The following ARHGAP10 variants were observed in gnomAD, a reference collection of about 807,000 sequenced individuals.
ARHGAP10 encodes the protein Rho GTPase activating protein 10.
ARHGAP10 carries 87 observed loss-of-function variants against 108.6 expected under a neutral mutation model. The observed-to-expected ratio is 0.80, with a 90% confidence interval of 0.67 to 0.96. The LOEUF is 0.96. Ranked by LOEUF, ARHGAP10 falls within the 40% of genes least tolerant of loss-of-function variation. The probability of loss-of-function intolerance (pLI) is 0.00; values close to 1 mark genes in which losing one functional copy is unlikely to be tolerated. For synonymous variants in ARHGAP10, 347 were observed against 341.1 expected (o/e 1.02, Z -0.19); for missense variants, 939 against 954.5 (o/e 0.98, Z 0.21).
At chr4:147,976,541 G>GTTTT (rs56763356) in intron 18 of ARHGAP10, among the ~76,000 whole-genome samples, 1 of 140,418 alleles carries the variant, frequency 7.1e-6, no homozygotes, top group Admixed American at 7.1e-5. Flanking sequence ...TTTGTGTGTG[G>GTTTT]TTTTTTTTTT....
Position 148,023,292 on chromosome 4 carries a change from C to G in ARHGAP10, c.1746C>G (p.Phe582Leu). 6.2e-7 allele frequency: 1 copy of G among 1,614,162 alleles called. No individual in the cohort carries two copies. The highest frequency in any genetic ancestry group is 8.5e-7 in the Non-Finnish European group (1 of 1,180,014). ...KIFRTPPDTT[F>L]PEPTCLSASP... Reference sequence around the variant, plus strand: ...TTCGGACGCCGCCCGATACTACATTCCCTGAGCCCACCTGCCTGTCAGCAT... The same window carrying G: ...TTCGGACGCCGCCCGATACTACATTGCCTGAGCCCACCTGCCTGTCAGCAT... The change falls in exon 19 of 23, where the codon TTC becomes TTG. Residue 582 changes from phenylalanine (F) to leucine (L), a missense_variant. Physicochemically the swap from Phe to Leu is conservative, Grantham distance 22. Coordinates refer to ENST00000336498, the MANE Select transcript of ARHGAP10 (RefSeq NM_024605.4).
At chr4:147,892,402 T>C (rs1735823671) in intron 10 of ARHGAP10, among the ~76,000 whole-genome samples, 1 of 152,224 alleles carries the variant, frequency 6.6e-6, no homozygotes, top group South Asian at 2.1e-4. Context: ...AAGCATTTTA[T>C]AGAGCCTCAC....
chr4:147,996,260 C>T (rs983438906), intron 18 of ARHGAP10, among the ~76,000 whole-genome samples: 3 of 152,170 alleles, frequency 2.0e-5, no homozygotes, highest in African/African-American at 7.2e-5. Flanking sequence ...TAGCCATCTC[C>T]AGCAATAAAC....
chr4:147,773,203 T>A (rs1030364746), intron 1 of ARHGAP10, among the ~76,000 whole-genome samples: 4 of 152,208 alleles, frequency 2.6e-5, no homozygotes, highest in African/African-American at 9.6e-5. Context: ...CATGCTGACT[T>A]CTTGTAGGTT....
chr4:147,802,045 G>A (rs534190416), intron 1 of ARHGAP10, among the ~76,000 whole-genome samples: 2 of 152,288 alleles, frequency 1.3e-5, no homozygotes, highest in South Asian at 2.1e-4. Flanking sequence ...GTTTAATGTC[G>A]CTTGAGTAAT....
At position 147,974,347 on chromosome 4, in the gene ARHGAP10, T is replaced by G. The variant is rs1327334156; in HGVS notation, c.1716+7508T>G. 2.0e-5 allele frequency among the ~76,000 whole-genome samples: 3 copies of G among 152,200 alleles called. No individual in the cohort carries two copies. The South Asian group carries it at 6.2e-4, about 32-fold the overall frequency. ...TACATTATAATGTAATAAAAACTTT[T>G]GTTTGTAATTTGACTCCCTCCTCAT... On this transcript the variant is annotated intron_variant, in intron 18 of 22. Transcript: ENST00000336498.
At chr4:148,037,951 G>C (rs1206468552) in intron 19 of ARHGAP10, among the ~76,000 whole-genome samples, 1 of 151,908 alleles carries the variant, frequency 6.6e-6, no homozygotes, top group Non-Finnish European at 1.5e-5. Flanking sequence ...CCAGCTCCTA[G>C]ACAGATTTAA....
chr4:148,070,640 A>G (rs1009877038), intron 22 of ARHGAP10, among the ~76,000 whole-genome samples: 1 of 152,264 alleles, frequency 6.6e-6, no homozygotes, highest in African/African-American at 2.4e-5. Context: ...AAAGGAAGGC[A>G]TTGCATGCGC....
intron 1 of ARHGAP10, among the ~76,000 whole-genome samples, chr4:147,786,516 A>G (rs1241195383): frequency 6.6e-6 from 1 of 152,170 alleles, no homozygotes; most frequent in Non-Finnish European, 1.5e-5. Context: ...TAACCCAGAT[A>G]CTTTCCCATC....
intron 8 of ARHGAP10, 21 bp from the exon 9 acceptor site, chr4:147,879,211 A>G: frequency 1.3e-6 from 2 of 1,597,010 alleles, no homozygotes; most frequent in Non-Finnish European, 1.7e-6. Context: ...GAAAATATAA[A>G]GGGCTGTTTT....
At position 147,747,754 on chromosome 4, in the gene ARHGAP10, T is replaced by A. The variant is rs117982639; in HGVS notation, c.154+15299T>A. 2.8e-4 allele frequency among the ~76,000 whole-genome samples: 43 copies of A among 152,236 alleles called. No homozygotes were observed. In the East Asian group the frequency reaches 8.1e-3, roughly 29 times the overall value. ...TATGGATGCTCATTTATTTCAGCTG[T>A]CAGTGAGAGGAATCAGACTAAAACC... On this transcript the variant is annotated intron_variant, in intron 1 of 22. Coordinates refer to ENST00000336498, the MANE Select transcript of ARHGAP10 (RefSeq NM_024605.4).
chr4:147,987,740 G>A (rs568902890), intron 18 of ARHGAP10, among the ~76,000 whole-genome samples: 2 of 152,322 alleles, frequency 1.3e-5, no homozygotes, highest in Non-Finnish European at 2.9e-5. Context: ...TCTCTGTGCT[G>A]GGTCAGGTGT....
intron 3 of ARHGAP10, among the ~76,000 whole-genome samples, chr4:147,840,456 T>C (rs185946901): frequency 6.6e-6 from 1 of 152,294 alleles, no homozygotes; most frequent in East Asian, 1.9e-4. Context: ...TCTGGTTACA[T>C]TCCTGCTTTA....
chr4:148,064,801 A>G (rs1729792463), intron 22 of ARHGAP10, among the ~76,000 whole-genome samples: 1 of 152,150 alleles, frequency 6.6e-6, no homozygotes, highest in South Asian at 2.1e-4. Flanking sequence ...TGTCACTTGG[A>G]CTTAAGAAAT....
chr4:147,761,760 G>A (rs1729601499), intron 1 of ARHGAP10, among the ~76,000 whole-genome samples: 1 of 152,180 alleles, frequency 6.6e-6, no homozygotes, highest in Admixed American at 6.5e-5. Context: ...CATAGTAGTA[G>A]AGTTTTCTTA....
At chr4:147,929,241 A>G (rs931383630) in intron 13 of ARHGAP10, among the ~76,000 whole-genome samples, 4 of 152,120 alleles carry the variant, frequency 2.6e-5, no homozygotes, top group African/African-American at 9.7e-5. Flanking sequence ...GCAGTATTTA[A>G]TGCACTGTAA....
intron 1 of ARHGAP10, among the ~76,000 whole-genome samples, chr4:147,751,928 C>T (rs528532740): frequency 1.4e-5 from 2 of 143,700 alleles, no homozygotes; most frequent in South Asian, 4.5e-4. Flanking sequence ...GCTCTGCCAT[C>T]AGGTTGGAGT....
At chr4:147,904,873 C>G (rs1211262327) in intron 10 of ARHGAP10, among the ~76,000 whole-genome samples, 1 of 152,166 alleles carries the variant, frequency 6.6e-6, no homozygotes, top group Non-Finnish European at 1.5e-5. Flanking sequence ...TCCTATTTCT[C>G]CACATCCTCT....
intron 18 of ARHGAP10, among the ~76,000 whole-genome samples, chr4:147,988,864 C>A (rs919149297): frequency 1.3e-5 from 2 of 152,166 alleles, no homozygotes; most frequent in East Asian, 3.9e-4. Flanking sequence ...GGGCCAGCCA[C>A]CAAGGAAACC....
Sources: allele counts gnomAD v4.1 joint callset (sites outside exome capture counted in the v4.1 genomes callset), GRCh38; gene constraint gnomAD v4.1.1; transcripts MANE v1.5; gene names NCBI Gene and HGNC (gene_info 2026-07-23, HGNC 2026-07-21).